CRIM1: variants seen among roughly 807,000 people sequenced by gnomAD.
CRIM1 encodes cysteine-rich motor neuron 1 protein.
CRIM1 carries 32 observed loss-of-function variants against 116.4 expected under a neutral mutation model. The observed-to-expected ratio is 0.27, with a 90% confidence interval of 0.21 to 0.37. CRIM1 has a LOEUF of 0.37. Ranked by LOEUF, CRIM1 falls within the 10% of genes least tolerant of loss-of-function variation. CRIM1 has a pLI of 1.00. For missense variants in CRIM1, 1,331 were observed against 1,354.8 expected (o/e 0.98, Z 0.28); for synonymous variants, 590 against 509.2 (o/e 1.16, Z -2.13).
chr2:36,423,032 T>G (rs1558566787), intron 2 of CRIM1, among the ~76,000 whole-genome samples: 1 of 152,200 alleles, frequency 6.6e-6, no homozygotes, highest in Non-Finnish European at 1.5e-5. Flanking sequence ...TTTAGGGTGC[T>G]TAGGTAAGAA....
At chr2:36,432,617 C>T (rs929243746) in intron 2 of CRIM1, among the ~76,000 whole-genome samples, 2 of 152,070 alleles carry the variant, frequency 1.3e-5, no homozygotes, top group East Asian at 1.9e-4. Context: ...TTTTTCCTTC[C>T]TCCCAGGAAG....
Position 36,499,366 on chromosome 2 carries a change from G to A in CRIM1, c.1501+19G>A. ...ATAAACAGTGAGTAGACAGAAGACTGTATGTTTTTTCTGAGGCCTAATATG... is the reference window on the plus strand; with the variant it reads ...ATAAACAGTGAGTAGACAGAAGACTATATGTTTTTTCTGAGGCCTAATATG... On this transcript the variant is annotated intron_variant, in intron 8 of 16. Coordinates refer to ENST00000280527, the MANE Select transcript of CRIM1 (RefSeq NM_016441.3). The A allele has an allele frequency of 1.2e-6, 2 of 1,611,546 alleles. No homozygotes were observed. Among genetic ancestry groups the A allele is most frequent in the Non-Finnish European group, 1.7e-6 (2 of 1,178,834 alleles).
chr2:36,358,229 A>G (rs148694232), intron 1 of CRIM1, among the ~76,000 whole-genome samples: 13 of 152,286 alleles, frequency 8.5e-5, no homozygotes, highest in African/African-American at 2.9e-4. Context: ...AAAAATGGCC[A>G]TGAGATTAAC....
chr2:36,530,993 G>T (rs987041104), intron 13 of CRIM1, among the ~76,000 whole-genome samples: 1 of 152,172 alleles, frequency 6.6e-6, no homozygotes, highest in Non-Finnish European at 1.5e-5. Context: ...CACTCGGGGG[G>T]CCTTGATCTC....
intron 2 of CRIM1, among the ~76,000 whole-genome samples, chr2:36,400,830 A>G (rs1299738050): frequency 6.6e-6 from 1 of 152,120 alleles, no homozygotes; most frequent in Non-Finnish European, 1.5e-5. Context: ...CAAAGCCAGG[A>G]GGGGTTAAGA....
At chr2:36,481,826 C>T (rs1362773158) in intron 7 of CRIM1, among the ~76,000 whole-genome samples, 1 of 152,208 alleles carries the variant, frequency 6.6e-6, no homozygotes. Flanking sequence ...AGCATCCCAG[C>T]CTAACTCATG....
At chr2:36,496,976 G>A (rs1680644632) in intron 7 of CRIM1, among the ~76,000 whole-genome samples, 1 of 152,158 alleles carries the variant, frequency 6.6e-6, no homozygotes, top group South Asian at 2.1e-4. Context: ...GTAAAAGTTG[G>A]ACGATGGATT....
chr2:36,363,059 G>A (rs1346840291), intron 1 of CRIM1, among the ~76,000 whole-genome samples: 1 of 151,978 alleles, frequency 6.6e-6, no homozygotes, highest in Non-Finnish European at 1.5e-5. Context: ...AATTAGCCAG[G>A]CTTGGTGGCA....
chr2:36,402,741 G>A (rs1471072440), intron 2 of CRIM1, among the ~76,000 whole-genome samples: 1 of 150,458 alleles, frequency 6.6e-6, no homozygotes, highest in African/African-American at 2.5e-5. Context: ...AGATACCATT[G>A]GAAATAGAAT....
chr2:36,396,661 G>A lies in CRIM1; in HGVS notation c.379G>A (p.Glu127Lys). The A allele has an allele frequency of 6.2e-7, 1 of 1,612,822 alleles. No individual in the cohort carries two copies. The highest frequency in any genetic ancestry group is 8.5e-7 in the Non-Finnish European group (1 of 1,178,936). ...ACTGCTTGGTTTTAAACCATGCAAT[G>A]AAAACCTTATTGCTGGCTGCAATAT... The part of the protein sequence containing the change: ...DQLLGFKPCN[E>K]NLIAGCNIIN... Residue 127 changes from glutamate (E) to lysine (K), a missense_variant, in exon 2 of 17, where the codon GAA (glutamate) becomes AAA (lysine). Transcript: ENST00000280527.
chr2:36,547,041 C>A lies in CRIM1; in HGVS notation c.2804C>A (p.Ser935Tyr). The A allele has an allele frequency of 1.2e-6, 2 of 1,612,690 alleles. No individual in the cohort carries two copies. The highest frequency in any genetic ancestry group is 1.7e-6 in the Non-Finnish European group (2 of 1,178,918). ...AACAGGCTGCACCCAAGTGAAGATT[C>A]TTCACTGGACTCCATTGCCTCAGTT... ...RDNRLHPSED[S>Y]SLDSIASVVV... Residue 935 changes from serine (S) to tyrosine (Y), a missense_variant, in exon 16 of 17, where the codon TCT (serine) becomes TAT (tyrosine). Physicochemically the swap from Ser to Tyr is moderately radical, Grantham distance 144. Coordinates refer to ENST00000280527, the MANE Select transcript of CRIM1 (RefSeq NM_016441.3).
At chr2:36,419,178 A>G (rs1033324713) in intron 2 of CRIM1, among the ~76,000 whole-genome samples, 3 of 152,200 alleles carry the variant, frequency 2.0e-5, no homozygotes, top group Admixed American at 2.0e-4. Context: ...TAAGGTTTAA[A>G]ATTAAGGTTC....
chr2:36,504,927 T>C (rs1323521534), intron 8 of CRIM1, among the ~76,000 whole-genome samples: 1 of 152,234 alleles, frequency 6.6e-6, no homozygotes, highest in East Asian at 1.9e-4. Context: ...CATTCTTTAA[T>C]TGTAGACATT....
chr2:36,395,078 G>C (rs866264151), intron 1 of CRIM1, among the ~76,000 whole-genome samples: 1 of 143,660 alleles, frequency 7.0e-6, no homozygotes. Context: ...GCAGTGGCAT[G>C]ATCTTGGCTG....
chr2:36,536,216 CTCG>C (rs1276273257), intron 13 of CRIM1, among the ~76,000 whole-genome samples: 1 of 152,208 alleles, frequency 6.6e-6, no homozygotes, highest in Admixed American at 6.5e-5. Flanking sequence ...TTATGGGCTT[CTCG>C]TCGTGCCCTG....
chr2:36,408,926 C>T (rs17018736), intron 2 of CRIM1, among the ~76,000 whole-genome samples: 2 of 151,508 alleles, frequency 1.3e-5, no homozygotes, highest in South Asian at 4.2e-4. Flanking sequence ...GGTAAGGAAT[C>T]TCTATTAGAC....
intron 13 of CRIM1, among the ~76,000 whole-genome samples, chr2:36,532,901 C>G (rs566228010): frequency 1.6e-4 from 25 of 152,260 alleles, no homozygotes; most frequent in African/African-American, 5.8e-4. Flanking sequence ...GTGGAAGTTA[C>G]GATTATTATT....
intron 16 of CRIM1, 55 bp from the exon 17 acceptor site, chr2:36,548,470 A>C (rs1369249420): frequency 2.2e-6 from 3 of 1,359,304 alleles, no homozygotes; most frequent in Non-Finnish European, 3.0e-6. Context: ...TGTTCATTTG[A>C]GATAATGTAA....
At chr2:36,390,936 A>G (rs780025701) in intron 1 of CRIM1, among the ~76,000 whole-genome samples, 35 of 151,440 alleles carry the variant, frequency 2.3e-4, no homozygotes, top group East Asian at 9.8e-4. Flanking sequence ...CAGCCTCCCA[A>G]TTAGCTGGGA....
Sources: allele counts gnomAD v4.1 joint callset (sites outside exome capture counted in the v4.1 genomes callset), GRCh38; gene constraint gnomAD v4.1.1; transcripts MANE v1.5; gene names NCBI Gene and HGNC (gene_info 2026-07-23, HGNC 2026-07-21).